The following DGKI variants were observed in gnomAD, a reference collection of about 807,000 sequenced individuals.
DGKI encodes the protein diacylglycerol kinase iota.
Under a neutral mutation model 147.5 loss-of-function variants are expected in DGKI, and 55 were observed. That is an observed-to-expected ratio of 0.37 (90% CI 0.30 to 0.47). The LOEUF is 0.47. Among genes scored for constraint, DGKI ranks in the 20% least tolerant of loss-of-function variants. The pLI, the probability that DGKI is intolerant of heterozygous loss-of-function variation, is 1.00. For synonymous variants in DGKI, 469 were observed against 477.1 expected, an observed-to-expected ratio of 0.98 and a Z score of 0.22; for missense variants, 1,007 against 1,323.8, an observed-to-expected ratio of 0.76 and a Z score of 3.71.
intron 5 of DGKI, among the ~76,000 whole-genome samples, chr7:137,652,032 T>C (rs1412350276): frequency 1.3e-5 from 2 of 152,168 alleles, no homozygotes; most frequent in Admixed American, 6.5e-5. Context: ...ATAATTTATA[T>C]AGTTAACACT....
intron 3 of DGKI, among the ~76,000 whole-genome samples, chr7:137,664,394 A>T (rs1190698392): frequency 7.2e-6 from 1 of 138,764 alleles, no homozygotes; most frequent in South Asian, 2.1e-4. Flanking sequence ...AAAAAAAAAA[A>T]AAAAGAAAGA....
chr7:137,645,972 G>A (rs1338167783), intron 5 of DGKI, among the ~76,000 whole-genome samples: 2 of 152,072 alleles, frequency 1.3e-5, no homozygotes, highest in African/African-American at 2.4e-5. Context: ...AGTGGCAAGT[G>A]GCCACACGAG....
chr7:137,409,301 T>C (rs1052661739), intron 29 of DGKI, among the ~76,000 whole-genome samples: 7 of 152,156 alleles, frequency 4.6e-5, no homozygotes, highest in Non-Finnish European at 8.8e-5. Flanking sequence ...AATACATCCA[T>C]AGAATTGTCA....
At chr7:137,651,956 A>T (rs773895774) in intron 5 of DGKI, among the ~76,000 whole-genome samples, 1 of 152,224 alleles carries the variant, frequency 6.6e-6, no homozygotes, top group African/African-American at 2.4e-5. Flanking sequence ...AAGCAATTTC[A>T]GTAAATGGGT....
chr7:137,725,293 C>T (rs1204674690), intron 1 of DGKI, among the ~76,000 whole-genome samples: 1 of 152,170 alleles, frequency 6.6e-6, no homozygotes, highest in Non-Finnish European at 1.5e-5. Flanking sequence ...CAGAAGTCTA[C>T]AGCTGAAGAC....
chr7:137,545,625 A>G (rs1224908739), intron 20 of DGKI, among the ~76,000 whole-genome samples: 26 of 152,222 alleles, frequency 1.7e-4, no homozygotes, highest in Admixed American at 1.5e-3. Flanking sequence ...ATAAAAACCA[A>G]TGCTTAGCAT....
intron 27 of DGKI, among the ~76,000 whole-genome samples, chr7:137,459,470 A>ATTTTTTTTTTTTTTTTT: frequency 9.3e-6 from 1 of 107,482 alleles, no homozygotes; most frequent in Non-Finnish European, 1.8e-5. Context: ...AATTTTTTAA[A>ATTTTTTTTTTTTTTTTT]TTTTTTTTTT....
At chr7:137,791,547 G>A (rs1796855236) in intron 1 of DGKI, among the ~76,000 whole-genome samples, 1 of 152,206 alleles carries the variant, frequency 6.6e-6, no homozygotes, top group Non-Finnish European at 1.5e-5. Flanking sequence ...GTAGAGCTAT[G>A]TCCCTTAAAA....
At chr7:137,530,742 T>C (rs1272517897) in intron 20 of DGKI, among the ~76,000 whole-genome samples, 1 of 152,308 alleles carries the variant, frequency 6.6e-6, no homozygotes, top group South Asian at 2.1e-4. Context: ...ATCATTGGCC[T>C]GAATGGGACC....
intron 27 of DGKI, 73 bp downstream of exon 27, chr7:137,463,416 G>T: frequency 1.3e-6 from 2 of 1,572,966 alleles, no homozygotes; most frequent in Non-Finnish European, 1.7e-6. Flanking sequence ...GACCACTGGG[G>T]CACAGCCCAC....
At chr7:137,768,729 C>T (rs1465644342) in intron 1 of DGKI, among the ~76,000 whole-genome samples, 1 of 152,182 alleles carries the variant, frequency 6.6e-6, no homozygotes, top group Non-Finnish European at 1.5e-5. Flanking sequence ...TCCTTGCCTT[C>T]CTCCTCCAGA....
At position 137,730,085 on chromosome 7, in the gene DGKI, C is replaced by A. The variant is rs74502704; in HGVS notation, c.402-40083G>T. The stretch of plus-strand genomic sequence containing the variant: ...AAATACTGGTGCTCCCCAGAGCTTT[C>A]GAGCTTTCTCCTCCACCCCTTCTTA... On this transcript the variant is annotated intron_variant, in intron 1 of 32. Coordinates refer to ENST00000614521, the MANE Select transcript of DGKI (RefSeq NM_001321708.2). 7.8e-3 allele frequency among the ~76,000 whole-genome samples: 1,185 copies of A among 152,230 alleles called. 11 individuals are homozygous for A. Among genetic ancestry groups the A allele is most frequent in the African/African-American group, 0.027 (1,127 of 41,540 alleles).
At chr7:137,609,641 G>A (rs1410927234) in intron 8 of DGKI, 32 bp from the exon 9 acceptor site, 1 of 1,547,376 alleles carries the variant, frequency 6.5e-7, no homozygotes, top group East Asian at 2.3e-5. Context: ...CCTGAGCTCA[G>A]AGGCAGCCAG....
intron 1 of DGKI, among the ~76,000 whole-genome samples, chr7:137,811,633 A>C (rs555574402): frequency 6.6e-6 from 1 of 152,318 alleles, no homozygotes; most frequent in South Asian, 2.1e-4. Flanking sequence ...CTGATTGATC[A>C]GACTTCTGAA....
At chr7:137,482,980 A>G (rs1815422660) in intron 23 of DGKI, among the ~76,000 whole-genome samples, 1 of 152,122 alleles carries the variant, frequency 6.6e-6, no homozygotes, top group African/African-American at 2.4e-5. Context: ...TTGATGTGGC[A>G]TTTATAATGC....
intron 1 of DGKI, among the ~76,000 whole-genome samples, chr7:137,750,023 G>C (rs1388160775): frequency 2.6e-5 from 4 of 152,136 alleles, no homozygotes; most frequent in Non-Finnish European, 4.4e-5. Flanking sequence ...GTAGAGCAGA[G>C]ACCTGCACAG....
intron 3 of DGKI, 44 bp from the exon 4 acceptor site, chr7:137,656,584 C>T (rs749051001): frequency 1.2e-5 from 19 of 1,593,132 alleles, no homozygotes; most frequent in Non-Finnish European, 1.5e-5. Flanking sequence ...TGTTAACAGT[C>T]TGTTCTGAAG....
intron 1 of DGKI, among the ~76,000 whole-genome samples, chr7:137,835,548 CAAAG>C (rs1470562157): frequency 6.6e-6 from 1 of 152,102 alleles, no homozygotes; most frequent in Non-Finnish European, 1.5e-5. Context: ...GCAACTAATG[CAAAG>C]AAAGAGCCTG....
At chr7:137,704,781 A>G (rs750972357) in intron 1 of DGKI, among the ~76,000 whole-genome samples, 7 of 152,192 alleles carry the variant, frequency 4.6e-5, no homozygotes, top group Non-Finnish European at 1.0e-4. Context: ...AGGAAAATAA[A>G]TCATCACATG....
Sources: allele counts gnomAD v4.1 joint callset (sites outside exome capture counted in the v4.1 genomes callset), GRCh38; gene constraint gnomAD v4.1.1; transcripts MANE v1.5; gene names NCBI Gene and HGNC (gene_info 2026-07-23, HGNC 2026-07-21).